SPATA18: variants seen among roughly 807,000 people sequenced by gnomAD.
SPATA18 encodes the protein mitochondria-eating protein.
A neutral mutation model predicts 68.1 loss-of-function variants in SPATA18; 54 were observed. The ratio of observed to expected loss-of-function variants is 0.79; its 90% CI spans 0.64 to 0.99. The LOEUF (loss-of-function observed/expected upper bound fraction) is 0.99. Among genes scored for constraint, SPATA18 ranks in the 50% least tolerant of loss-of-function variants. The probability of loss-of-function intolerance (pLI) is 0.00; values close to 1 mark genes in which losing one functional copy is unlikely to be tolerated. For missense variants in SPATA18, 724 were observed against 681.1 expected, an observed-to-expected ratio of 1.06 and a Z score of -0.70; for synonymous variants, 242 against 244.8, an observed-to-expected ratio of 0.99 and a Z score of 0.11.
intron 4 of SPATA18, among the ~76,000 whole-genome samples, chr4:52,063,856 C>T (rs1040242280): frequency 2.6e-5 from 4 of 152,016 alleles, no homozygotes; most frequent in Non-Finnish European, 4.4e-5. Flanking sequence ...GGGAGGTATC[C>T]TGGGACATTA....
chr4:52,079,344 C>G (rs1325050387), intron 8 of SPATA18, among the ~76,000 whole-genome samples: 1 of 152,110 alleles, frequency 6.6e-6, no homozygotes, highest in Non-Finnish European at 1.5e-5. Flanking sequence ...TTGCTTAGCA[C>G]AAGACATGGC....
In SPATA18 at chr4:52,051,396, G is replaced by A. The variant is rs1412922608; in HGVS notation, c.-309G>A. The A allele has an allele frequency of 2.5e-5, 7 of 279,236 alleles. No individual in the cohort carries two copies. Among genetic ancestry groups the A allele is most frequent in the Non-Finnish European group, 4.0e-5 (6 of 150,984 alleles). The allele number at this position is 279,236 out of a possible 1,614,324, so 17.3% of individuals were successfully genotyped here. On this transcript the variant is annotated 5_prime_UTR_variant, in exon 1 of 13. Coordinates refer to ENST00000295213, the MANE Select transcript of SPATA18 (RefSeq NM_145263.4). ...CGCGCGCGTCCCTGGCAGCCAACCC[G>A]TCCACGTCAAGGTTTGTTTAATAAT...
At position 52,093,702 on chromosome 4, in the gene SPATA18, A is replaced by T. The variant is rs879665730; in HGVS notation, c.1564-825A>T. ...CAGCCATGGCAAATTGTAACTCCGG[A>T]CTCCCATCAAAAGGCTTATTCATGG... On this transcript the variant is annotated intron_variant, in intron 11 of 12. Coordinates refer to ENST00000295213, the MANE Select transcript of SPATA18 (RefSeq NM_145263.4). Among the ~76,000 whole-genome samples, 4 of 152,128 alleles carry T rather than the reference A, an allele frequency of 2.6e-5. No individual in the cohort carries two copies. In the East Asian group the frequency reaches 7.7e-4, roughly 29 times the overall value.
intron 6 of SPATA18, among the ~76,000 whole-genome samples, chr4:52,076,086 A>G (rs948960092): frequency 6.6e-6 from 1 of 152,160 alleles, no homozygotes; most frequent in African/African-American, 2.4e-5. Context: ...GAGGCAAAAC[A>G]TTTTGGGATT....
intron 1 of SPATA18, among the ~76,000 whole-genome samples, chr4:52,055,994 C>T (rs1216016191): frequency 6.6e-6 from 1 of 152,168 alleles, no homozygotes; most frequent in Non-Finnish European, 1.5e-5. Flanking sequence ...CTTCTTGAAA[C>T]CATCTGCTTC....
At chr4:52,055,911 G>C (rs1305668422) in intron 1 of SPATA18, among the ~76,000 whole-genome samples, 2 of 152,176 alleles carry the variant, frequency 1.3e-5, no homozygotes, top group African/African-American at 4.8e-5. Context: ...TGTGTCCCTA[G>C]CATCTACTGC....
At chr4:52,076,107 T>C (rs938325688) in intron 6 of SPATA18, among the ~76,000 whole-genome samples, 1 of 152,182 alleles carries the variant, frequency 6.6e-6, no homozygotes, top group African/African-American at 2.4e-5. Context: ...TTCCGAGGAC[T>C]CTGTACTAGT....
rs202080617 is a variant in SPATA18, at chr4:52,051,809, A to C, written c.87+18A>C. 101 of 1,608,156 alleles carry C rather than the reference A, an allele frequency of 6.3e-5. No homozygotes were observed. In the African/African-American group the frequency reaches 1.1e-3, roughly 17 times the overall value. ...AGTACAACGTGAGTCTGGGTGAAAA[A>C]CCCCCGGGGTTCGCCCTCCCATAGG... is the stretch of plus-strand genomic sequence containing the variant. On this transcript the variant is annotated intron_variant, in intron 1 of 12. Transcript: ENST00000295213.
rs1380827207 is a variant in SPATA18 at position 52,062,385 on chromosome 4, TAA to T, written c.422+54_422+55del. On this transcript the variant is annotated intron_variant, in intron 4 of 12. Coordinates refer to ENST00000295213, the MANE Select transcript of SPATA18 (RefSeq NM_145263.4). ...CAAAAAGAATTGTTTTCAATTTAATTAAGTTTTAAATTCGAAAGGAGAATAAT... is the reference window on the plus strand; with the variant it reads ...CAAAAAGAATTGTTTTCAATTTAATTGTTTTAAATTCGAAAGGAGAATAAT... 23 of 1,299,960 alleles carry T rather than the reference TAA, an allele frequency of 1.8e-5. No individual in the cohort carries two copies. The African/African-American group carries it at 3.1e-4, about 18-fold the overall frequency. The allele number at this position is 1,299,960 out of a possible 1,614,324, so 80.5% of individuals were successfully genotyped here.
Position 52,051,943 on chromosome 4 carries a change from C to T in SPATA18, c.87+152C>T. On this transcript the variant is annotated intron_variant, in intron 1 of 12. Coordinates refer to ENST00000295213, the MANE Select transcript of SPATA18 (RefSeq NM_145263.4). ...CAGGATCTCAGCTTTCGACCGGGAT[C>T]GCTGGGGAAGGAAGGACATGTGTGT... 2.8e-6 allele frequency: 2 copies of T among 721,984 alleles called. 1 individual carries two copies. The highest frequency in any genetic ancestry group is 3.3e-5 in the South Asian group (2 of 60,978). The allele number at this position is 721,984 out of a possible 1,614,324, so 44.7% of individuals were successfully genotyped here.
intron 5 of SPATA18, among the ~76,000 whole-genome samples, chr4:52,070,154 G>A (rs1167506068): frequency 6.6e-6 from 1 of 151,782 alleles, no homozygotes; most frequent in Non-Finnish European, 1.5e-5. Flanking sequence ...CAGAGCCAGT[G>A]ACTGTTACCA....
intron 3 of SPATA18, among the ~76,000 whole-genome samples, chr4:52,061,829 G>T (rs931564201): frequency 3.9e-5 from 6 of 151,980 alleles, no homozygotes; most frequent in African/African-American, 1.2e-4. Flanking sequence ...GAGAATTTAT[G>T]GACGCTTCTC....
Position 52,079,844 on chromosome 4 carries a change from C to A in SPATA18, c.1280C>A (p.Ala427Asp), listed in dbSNP as rs766949831. 2.5e-6 allele frequency: 4 copies of A among 1,614,044 alleles called. No individual in the cohort carries two copies. Among genetic ancestry groups the A allele is most frequent in the Non-Finnish European group, 1.7e-6 (2 of 1,179,950 alleles). Residue 427 changes from alanine (A) to aspartate (D), a missense_variant, in exon 9 of 13, where the codon GCC (alanine) becomes GAC (aspartate). Physicochemically the swap from Ala to Asp is moderately radical, Grantham distance 126 (BLOSUM62 -2). Transcript: ENST00000295213. ...SDFIQEICCI[A>D]FAMQALEPPL... Reference sequence around the variant, plus strand: ...TTCATCCAGGAGATATGTTGCATTGCCTTTGCAATGCAGGCCTTAGAACCA... The same window carrying A: ...TTCATCCAGGAGATATGTTGCATTGACTTTGCAATGCAGGCCTTAGAACCA...
intron 4 of SPATA18, among the ~76,000 whole-genome samples, chr4:52,063,875 C>T (rs759775987): frequency 5.3e-5 from 8 of 152,050 alleles, no homozygotes; most frequent in African/African-American, 1.2e-4. Context: ...TAGCTAGCAA[C>T]GGCTGCAGAT....
intron 11 of SPATA18, among the ~76,000 whole-genome samples, chr4:52,086,925 G>A (rs1166105585): frequency 2.6e-5 from 4 of 152,066 alleles, no homozygotes; most frequent in Non-Finnish European, 4.4e-5. Context: ...TCTCCAGGAT[G>A]TGTTGTTTCC....
chr4:52,082,527 T>G lies in SPATA18; in HGVS notation c.1479+17T>G. On this transcript the variant is annotated intron_variant, in intron 10 of 12. Coordinates refer to ENST00000295213, the MANE Select transcript of SPATA18 (RefSeq NM_145263.4). ...GGGGCTTTTGTACGGTGGCCTTGCA[T>G]AGTGACAATTCATCCCAAGTGTTTG... is the stretch of plus-strand genomic sequence containing the variant. 5 of 1,614,024 alleles carry G rather than the reference T, an allele frequency of 3.1e-6. No individual in the cohort carries two copies. The highest frequency in any genetic ancestry group is 4.2e-6 in the Non-Finnish European group (5 of 1,179,916).
chr4:52,071,384 C>T (rs1029389704), intron 5 of SPATA18, among the ~76,000 whole-genome samples: 12 of 152,150 alleles, frequency 7.9e-5, no homozygotes, highest in African/African-American at 2.9e-4. Context: ...ACACTTCTAG[C>T]TAGTTTTGTG....
In SPATA18 at chr4:52,060,534, G is replaced by T; in HGVS notation, c.193+10G>T. The T allele has an allele frequency of 6.2e-7, 1 of 1,610,924 alleles. No individual in the cohort carries two copies. Among genetic ancestry groups the T allele is most frequent in the Non-Finnish European group, 8.5e-7 (1 of 1,177,386 alleles). The stretch of plus-strand genomic sequence containing the variant: ...GCAGCAGCCCAAGAAGGTGAGAATG[G>T]CCTGTAATTTCCCATCCAGTTCTGC... On this transcript the variant is annotated intron_variant, in intron 2 of 12. Transcript: ENST00000295213.
intron 10 of SPATA18, among the ~76,000 whole-genome samples, chr4:52,084,503 A>G (rs1165293503): frequency 6.6e-6 from 1 of 152,288 alleles, no homozygotes; most frequent in East Asian, 1.9e-4. Flanking sequence ...AATGATATTT[A>G]TTTATTCAAT....
Sources: gnomAD v4.1 joint callset for allele counts (sites outside exome capture counted in the v4.1 genomes callset) on GRCh38, gnomAD v4.1.1 for gene constraint, MANE v1.5 for transcripts, NCBI Gene and HGNC (gene_info 2026-07-23, HGNC 2026-07-21) for gene names.